TPTE2: variants seen among roughly 807,000 people sequenced by gnomAD.
The protein encoded by TPTE2 is phosphatidylinositol 3,4,5-trisphosphate 3-phosphatase TPTE2.
A neutral mutation model predicts 78.6 loss-of-function variants in TPTE2; 53 were observed. The observed-to-expected ratio is 0.67, with a 90% CI of 0.54 to 0.85. The LOEUF is 0.85. Ranked by LOEUF, TPTE2 falls within the 40% of genes least tolerant of loss-of-function variation. The pLI, the probability that TPTE2 is intolerant of heterozygous loss-of-function variation, is 0.00. For synonymous variants in TPTE2, 175 were observed against 206.2 expected (o/e 0.85, Z 1.30); for missense variants, 461 against 623.0 (o/e 0.74, Z 2.77).
Position 19,486,748 on chromosome 13 carries a change from G to C in TPTE2, c.120-4201C>G, listed in dbSNP as rs183867266. ...TATCTTTGCCAGGGCTGGCCAAGAG[G>C]GGGTGTTTCTCAGGCCTGGGATACA... is the stretch of plus-strand genomic sequence containing the variant. On this transcript the variant is annotated intron_variant, in intron 3 of 19. Coordinates refer to ENST00000400230, the Ensembl canonical transcript of TPTE2. This position sits in a 1 kb window ranked among gnomAD's most constrained non-coding sequence, Gnocchi z 4.3. Among the ~76,000 whole-genome samples, 41 of 152,300 alleles carry C rather than the reference G, an allele frequency of 2.7e-4. No homozygotes were observed. The highest frequency in any genetic ancestry group is 7.2e-4 in the African/African-American group (30 of 41,552).
chr13:19,527,392 C>A (rs1371556342), intron 1 of TPTE2, among the ~76,000 whole-genome samples: 1 of 152,144 alleles, frequency 6.6e-6, no homozygotes, highest in Non-Finnish European at 1.5e-5. Flanking sequence ...ATTACACATT[C>A]TATGCATGTA....
In TPTE2 at chr13:19,491,005, T is replaced by C. The variant is rs566077877; in HGVS notation, c.119+1845A>G. 5.3e-5 allele frequency among the ~76,000 whole-genome samples: 8 copies of C among 152,334 alleles called. No individual in the cohort carries two copies. In the South Asian group the frequency reaches 1.7e-3, roughly 32 times the overall value. On this transcript the variant is annotated intron_variant, in intron 3 of 19. Transcript: ENST00000400230. ...TTCCTCTTAAGACCTATTCCTCTTT[T>C]ATCCAACTAGATCGAAGAAAGAAAG...
intron 1 of TPTE2, among the ~76,000 whole-genome samples, chr13:19,523,930 CT>C (rs757480589): frequency 4.6e-5 from 7 of 152,190 alleles, no homozygotes; most frequent in Non-Finnish European, 7.3e-5. Flanking sequence ...AAACCTAGAG[CT>C]TTGTTAGTTA....
intron 6 of TPTE2, among the ~76,000 whole-genome samples, chr13:19,468,771 T>A (rs1298743893): frequency 6.6e-6 from 1 of 152,226 alleles, no homozygotes; most frequent in South Asian, 2.1e-4. Flanking sequence ...TAATGATCAA[T>A]GATGTTAAGC....
In TPTE2 at chr13:19,457,080, C is replaced by T. The variant is rs576966989; in HGVS notation, c.742-5855G>A. Among the ~76,000 whole-genome samples the T allele has an allele frequency of 2.2e-3, 335 of 152,248 alleles. 2 individuals are homozygous for T. The highest frequency in any genetic ancestry group is 8.0e-3 in the African/African-American group (331 of 41,554). On this transcript the variant is annotated intron_variant, in intron 10 of 19. Coordinates refer to ENST00000400230, the Ensembl canonical transcript of TPTE2. ...CTGCAATTCATTGGGGGAAATCATGCTCTTTACAATAAATGGTACAGGAGG... is the reference window on the plus strand; with the variant it reads ...CTGCAATTCATTGGGGGAAATCATGTTCTTTACAATAAATGGTACAGGAGG...
chr13:19,470,622 T>C (rs1879551897), intron 6 of TPTE2, among the ~76,000 whole-genome samples: 1 of 151,692 alleles, frequency 6.6e-6, no homozygotes, highest in Non-Finnish European at 1.5e-5. Context: ...GCCTCCCAGG[T>C]TCAAGTGATT....
upstream of TPTE2, among the ~76,000 whole-genome samples, chr13:19,540,475 T>G (rs1871409959): frequency 1.3e-5 from 2 of 151,816 alleles, no homozygotes; most frequent in Admixed American, 1.3e-4. Context: ...CAACTAACTT[T>G]TGTATTTTTA....
chr13:19,514,553 A>G (rs1869660333), intron 1 of TPTE2, among the ~76,000 whole-genome samples: 1 of 146,782 alleles, frequency 6.8e-6, no homozygotes, highest in Admixed American at 7.0e-5. Flanking sequence ...GACAAGAACT[A>G]AAGAAACAAT....
chr13:19,511,800 A>G (rs1186927335), intron 1 of TPTE2, among the ~76,000 whole-genome samples: 1 of 152,218 alleles, frequency 6.6e-6, no homozygotes, highest in Admixed American at 6.5e-5. Context: ...AAATAGGGGT[A>G]GGAATAGCTC....
At chr13:19,450,977 G>A (rs1366575159) in intron 11 of TPTE2, among the ~76,000 whole-genome samples, 188 bp downstream of exon 14, 2 of 152,136 alleles carry the variant, frequency 1.3e-5, no homozygotes, top group African/African-American at 2.4e-5. Context: ...TCCTTCATAC[G>A]GTACCTTGTG....
At chr13:19,532,541 A>C (rs1278088876) in intron 1 of TPTE2, among the ~76,000 whole-genome samples, 1 of 152,236 alleles carries the variant, frequency 6.6e-6, no homozygotes, top group African/African-American at 2.4e-5. Flanking sequence ...CCTAGCGTCC[A>C]GACCTGTGAG....
chr13:19,549,896 C>A, the TPTE2 span, among the ~76,000 whole-genome samples: 2 of 101,146 alleles, frequency 2.0e-5, no homozygotes, highest in Non-Finnish European at 4.8e-5. Context: ...TGAATTAATG[C>A]AGAAACAGAA....
At chr13:19,521,525 G>T (rs1487323455) in intron 1 of TPTE2, among the ~76,000 whole-genome samples, 2 of 151,704 alleles carry the variant, frequency 1.3e-5, no homozygotes, top group Non-Finnish European at 2.9e-5. Flanking sequence ...AATTCATTCT[G>T]CAAATTTCTT....
At chr13:19,425,719 G>C (rs752681888) in intron 18 of TPTE2, 1 of 515,860 alleles carries the variant, frequency 1.9e-6, no homozygotes, top group African/African-American at 1.9e-5. Flanking sequence ...CCCAATAAAG[G>C]CTTCCACTCT....
chr13:19,526,579 G>A (rs1254357347), intron 1 of TPTE2, among the ~76,000 whole-genome samples: 1 of 150,036 alleles, frequency 6.7e-6, no homozygotes, highest in African/African-American at 2.5e-5. Context: ...GTTGGAGGCT[G>A]GAGGATGGTG....
At chr13:19,446,608 T>TAC (rs984743866) in intron 13 of TPTE2, among the ~76,000 whole-genome samples, 1 of 152,142 alleles carries the variant, frequency 6.6e-6, no homozygotes, top group Admixed American at 6.6e-5. Context: ...ATGAAATACA[T>TAC]ACACACACAT....
At chr13:19,554,189 C>T in the TPTE2 span, among the ~76,000 whole-genome samples, 1 of 151,962 alleles carries the variant, frequency 6.6e-6, no homozygotes, top group Non-Finnish European at 1.5e-5. Flanking sequence ...TCCTGGCTAA[C>T]ACGGTGAAAA....
At chr13:19,493,043 T>C (rs185260721) in intron 2 of TPTE2, 140 bp from the exon 6 acceptor site, 98 of 1,193,944 alleles carry the variant, frequency 8.2e-5, no homozygotes, top group Admixed American at 3.7e-4. Context: ...TACTGCTTAG[T>C]AGGAACTAAG....
At chr13:19,531,463 A>C (rs1870863021) in intron 1 of TPTE2, among the ~76,000 whole-genome samples, 1 of 151,394 alleles carries the variant, frequency 6.6e-6, no homozygotes, top group Non-Finnish European at 1.5e-5. Context: ...TTCCAATTCT[A>C]TGTTAAGTAG....
Sources: gnomAD v4.1 joint callset for allele counts (sites outside exome capture counted in the v4.1 genomes callset) on GRCh38, gnomAD v4.1.1 for gene constraint, Gnocchi (gnomAD v3.1) non-coding constraint, MANE v1.5 for transcripts, NCBI Gene and HGNC (gene_info 2026-07-23, HGNC 2026-07-21) for gene names.